The following PARP11 variants were observed in gnomAD, a reference collection of about 807,000 sequenced individuals.
PARP11 encodes protein mono-ADP-ribosyltransferase PARP11.
Under a neutral mutation model 42.9 loss-of-function variants are expected in PARP11, and 31 were observed. That is an observed-to-expected ratio of 0.72 (90% confidence interval 0.54 to 0.98). The LOEUF (loss-of-function observed/expected upper bound fraction) is 0.98. Ranked by LOEUF, PARP11 falls within the 50% of genes least tolerant of loss-of-function variation. The pLI is 0.00. For synonymous variants in PARP11, 137 were observed against 127.3 expected (o/e 1.08, Z -0.51); for missense variants, 365 against 413.1 (o/e 0.88, Z 1.01).
chr12:3,821,135 CTACTT>C (rs1483666082), intron 6 of PARP11, among the ~76,000 whole-genome samples: 1 of 152,186 alleles, frequency 6.6e-6, no homozygotes, highest in African/African-American at 2.4e-5. Context: ...ATATTAGACT[CTACTT>C]TTGTGTTTAT....
intron 7 of PARP11, among the ~76,000 whole-genome samples, chr12:3,813,781 A>T (rs192764328): frequency 6.6e-6 from 1 of 152,320 alleles, no homozygotes; most frequent in East Asian, 1.9e-4. Flanking sequence ...TTGGATTTTC[A>T]CAACATTATA....
At chr12:3,839,097 C>A (rs1947829594) in intron 1 of PARP11, among the ~76,000 whole-genome samples, 1 of 151,836 alleles carries the variant, frequency 6.6e-6, no homozygotes, top group African/African-American at 2.4e-5. Flanking sequence ...GTACGGACAG[C>A]CATGCATTAG....
At chr12:3,848,865 A>G (rs1948045303) in intron 1 of PARP11, among the ~76,000 whole-genome samples, 1 of 152,118 alleles carries the variant, frequency 6.6e-6, no homozygotes, top group Non-Finnish European at 1.5e-5. Flanking sequence ...GTGAAGAAAC[A>G]AGTCACAGAA....
chr12:3,823,434 G>A (rs942536691), intron 4 of PARP11, among the ~76,000 whole-genome samples: 25 of 152,122 alleles, frequency 1.6e-4, no homozygotes, highest in Admixed American at 5.2e-4. Flanking sequence ...GCTTCTTAGA[G>A]ATCTTTCTGT....
intron 4 of PARP11, among the ~76,000 whole-genome samples, chr12:3,822,460 G>A (rs985844790): frequency 7.0e-6 from 1 of 143,074 alleles, no homozygotes; most frequent in African/African-American, 2.7e-5. Flanking sequence ...TTAGCCAGGC[G>A]TGGGGGCGGG....
chr12:3,847,058 CAGAG>C (rs1284880149), intron 1 of PARP11, among the ~76,000 whole-genome samples: 2 of 151,864 alleles, frequency 1.3e-5, no homozygotes, highest in African/African-American at 4.8e-5. Flanking sequence ...GCCTGGTCAA[CAGAG>C]AGAGATCCTG....
In PARP11 at chr12:3,840,373, A is replaced by G. The variant is rs977589307; in HGVS notation, c.19-10355T>C. 6.8e-6 allele frequency: 11 copies of G among 1,613,924 alleles called. No homozygotes were observed. In the Admixed American group the frequency reaches 1.7e-4, roughly 24 times the overall value. On this transcript the variant is annotated intron_variant, in intron 1 of 7. Transcript: ENST00000228820. This position sits in a 1 kb window ranked among gnomAD's most constrained non-coding sequence, Gnocchi z 4.4. ...TTCTGGACAAAATTTCCATTCTGAT[A>G]TGGATTACAGAGGGCCAAAGAATCC...
chr12:3,840,280 A>G lies in PARP11; in HGVS notation c.19-10262T>C. The G allele has an allele frequency of 6.2e-7, 1 of 1,614,072 alleles. No individual in the cohort carries two copies. The highest frequency in any genetic ancestry group is 2.2e-5 in the East Asian group (1 of 44,884). On this transcript the variant is annotated intron_variant, in intron 1 of 7. Coordinates refer to ENST00000228820, the MANE Select transcript of PARP11 (RefSeq NM_020367.6). The surrounding 1 kb of genome is among the most constrained non-coding windows in gnomAD (Gnocchi z 4.4). The stretch of plus-strand genomic sequence containing the variant: ...AGAACTGGGAAAGTACACATCAAAG[A>G]ACCTCAAGGCACCTCCCCCAGAAAG...
Position 3,864,865 on chromosome 12 carries a change from T to C in PARP11, c.18+8347A>G, listed in dbSNP as rs144951646. 7.1e-3 allele frequency among the ~76,000 whole-genome samples: 1,086 copies of C among 152,304 alleles called. 5 individuals are homozygous for C. The highest frequency in any genetic ancestry group is 0.015 in the African/African-American group (640 of 41,580). On this transcript the variant is annotated intron_variant, in intron 1 of 7. Coordinates refer to ENST00000228820, the MANE Select transcript of PARP11 (RefSeq NM_020367.6). ...CTCAAAGAACTAGCTTTCAGTATCA[T>C]TGATCTTCACTGTTGTTTTCTGTTG...
At chr12:3,859,748 G>A (rs1948264572) in intron 1 of PARP11, among the ~76,000 whole-genome samples, 1 of 151,872 alleles carries the variant, frequency 6.6e-6, no homozygotes. Flanking sequence ...GAAAGTAGAA[G>A]GATAAATAAA....
rs1167120178 is a variant in PARP11, at chr12:3,821,983, T to G, written c.438A>C (p.Gln146His). The G allele has an allele frequency of 6.2e-7, 1 of 1,609,446 alleles. No individual in the cohort carries two copies. Among genetic ancestry groups the G allele is most frequent in the Non-Finnish European group, 8.5e-7 (1 of 1,178,518 alleles). Reference sequence around the variant, plus strand: ...TAGCAACTTCATTATATTCATGTGTTTGATTGTGCAGAGGAATAAGCTGGA... The same window carrying G: ...TAGCAACTTCATTATATTCATGTGTGTGATTGTGCAGAGGAATAAGCTGGA... ...VPYQLIPLHN[Q>H]THEYNEVANL... Residue 146 changes from glutamine (Q) to histidine (H), a missense_variant, in exon 6 of 8, where the codon CAA becomes CAC. Coordinates refer to ENST00000228820, the MANE Select transcript of PARP11 (RefSeq NM_020367.6).
In PARP11 at chr12:3,827,128, C is replaced by T. The variant is rs190268794; in HGVS notation, c.269-895G>A. 7.4e-4 allele frequency among the ~76,000 whole-genome samples: 113 copies of T among 152,320 alleles called. 1 individual carries two copies. The Middle Eastern group carries it at 0.01, about 14-fold the overall frequency. ...CTGTGATGCCATCTTCTTGGACCAT[C>T]TCATTTTTTAGTTTACTTTTCACCA... On this transcript the variant is annotated intron_variant, in intron 3 of 7. Coordinates refer to ENST00000228820, the MANE Select transcript of PARP11 (RefSeq NM_020367.6).
At chr12:3,854,514 G>A (rs949892704) in intron 1 of PARP11, among the ~76,000 whole-genome samples, 8 of 152,238 alleles carry the variant, frequency 5.3e-5, no homozygotes, top group South Asian at 2.1e-4. Flanking sequence ...ACACCTCTAC[G>A]CAAATAAACT....
chr12:3,812,220 A>C lies in PARP11; in HGVS notation c.920T>G (p.Leu307Ter). The C allele has an allele frequency of 3.1e-6, 5 of 1,614,198 alleles. No individual in the cohort carries two copies. The highest frequency in any genetic ancestry group is 4.2e-6 in the Non-Finnish European group (5 of 1,180,014). The change falls in exon 8 of 8, where the codon TTA becomes TGA. Residue 307 changes from leucine to a stop codon, truncating the protein, a stop_gained. Coordinates refer to ENST00000228820, the MANE Select transcript of PARP11 (RefSeq NM_020367.6). LOFTEE classifies it high-confidence loss of function. ...GGTATCATCCACACAGCTGTCATATAAATTCACATAGCTCCCGTCTTTGGA... is the reference window on the plus strand; with the variant it reads ...GGTATCATCCACACAGCTGTCATATCAATTCACATAGCTCCCGTCTTTGGA... ...PPSKDGSYVN[L>*]YDSCVDDTWN...
chr12:3,838,477 TA>T (rs1414854349), intron 1 of PARP11, among the ~76,000 whole-genome samples: 2 of 151,774 alleles, frequency 1.3e-5, no homozygotes, highest in African/African-American at 4.8e-5. Context: ...TTTATAGCAA[TA>T]AACAGCTGTA....
chr12:3,821,638 C>G (rs901405796), intron 6 of PARP11, among the ~76,000 whole-genome samples: 3 of 152,180 alleles, frequency 2.0e-5, no homozygotes, highest in African/African-American at 4.8e-5. Context: ...AGCCAAGATG[C>G]ATAGCTCTAA....
chr12:3,817,281 TATAA>T (rs1947312635), intron 6 of PARP11, among the ~76,000 whole-genome samples: 1 of 152,094 alleles, frequency 6.6e-6, no homozygotes, highest in Admixed American at 6.5e-5. Flanking sequence ...TCTTAGATAT[TATAA>T]ATAAACTGTG....
rs183059380 is a variant in PARP11, at chr12:3,859,381, G to A, written c.18+13831C>T. Among the ~76,000 whole-genome samples the A allele has an allele frequency of 7.4e-4, 113 of 151,722 alleles. 2 individuals carry two copies. The East Asian group carries it at 0.016, about 21-fold the overall frequency. ...AGATCGAGACCAACTTGACCAACACGGTGAAACCCTGTCTCTACTAAAATA... is the reference window on the plus strand; with the variant it reads ...AGATCGAGACCAACTTGACCAACACAGTGAAACCCTGTCTCTACTAAAATA... On this transcript the variant is annotated intron_variant, in intron 1 of 7. Transcript: ENST00000228820.
Position 3,812,219 on chromosome 12 carries a change from T to C in PARP11, c.921A>G (p.Leu307=), listed in dbSNP as rs146857733. The C allele has an allele frequency of 5.0e-6, 8 of 1,614,200 alleles. No homozygotes were observed. The highest frequency in any genetic ancestry group is 4.5e-5 in the East Asian group (2 of 44,880). ...PPSKDGSYVN[L]YDSCVDDTWN... is the part of the protein sequence containing the mutation. ...AGGTATCATCCACACAGCTGTCATA[T>C]AAATTCACATAGCTCCCGTCTTTGG... is the stretch of plus-strand genomic sequence containing the variant. The change falls in exon 8 of 8, where the codon TTA becomes TTG. Residue 307 remains leucine, a synonymous_variant. Coordinates refer to ENST00000228820, the MANE Select transcript of PARP11 (RefSeq NM_020367.6).
Sources: allele counts gnomAD v4.1 joint callset (sites outside exome capture counted in the v4.1 genomes callset), GRCh38; gene constraint gnomAD v4.1.1; non-coding constraint Gnocchi (gnomAD v3.1); transcripts MANE v1.5; gene names NCBI Gene and HGNC (gene_info 2026-07-23, HGNC 2026-07-21).